Variants in TMEM67 observed in about 807,000 individuals in gnomAD.
The protein encoded by TMEM67 is transmembrane protein 67, also known as meckelin.
A neutral mutation model predicts 136.6 loss-of-function variants in TMEM67; 124 were observed. That is an observed-to-expected ratio of 0.91 (90% confidence interval 0.78 to 1.05). The LOEUF (loss-of-function observed/expected upper bound fraction) is 1.05, where lower values mean the gene tolerates loss of function less well. TMEM67 is among the 50% of genes least tolerant of loss of function. The pLI is 0.00. For missense variants in TMEM67, 1,107 were observed against 1,178.4 expected (o/e 0.94, Z 0.89); for synonymous variants, 364 against 390.5 (o/e 0.93, Z 0.80).
intron 26 of TMEM67, among the ~76,000 whole-genome samples, chr8:93,814,951 G>A (rs1808850288): frequency 6.6e-6 from 1 of 152,084 alleles, no homozygotes; most frequent in African/African-American, 2.4e-5. Context: ...TTTTTTCTCT[G>A]ATTTACTGTA....
chr8:93,759,847 C>T (rs1052357584), intron 3 of TMEM67: 1 of 643,460 alleles, frequency 1.6e-6, no homozygotes, highest in African/African-American at 1.9e-5. Flanking sequence ...CAGGGTTTCT[C>T]CATGTTGGTC....
the TMEM67 span, among the ~76,000 whole-genome samples, chr8:93,830,354 CCT>C: frequency 1.3e-5 from 2 of 152,128 alleles, no homozygotes; most frequent in Non-Finnish European, 2.9e-5. Context: ...AATGTGTTTC[CCT>C]GAGTTCTGTG....
chr8:93,814,470 T>A (rs1476381220), intron 26 of TMEM67, among the ~76,000 whole-genome samples: 4 of 150,278 alleles, frequency 2.7e-5, no homozygotes, highest in African/African-American at 9.8e-5. Flanking sequence ...TTTTTTTTGT[T>A]TTTTTTTAGT....
At chr8:93,793,927 G>T (rs559331884) in intron 16 of TMEM67, among the ~76,000 whole-genome samples, 2 of 151,940 alleles carry the variant, frequency 1.3e-5, no homozygotes, top group East Asian at 3.9e-4. Context: ...GTCTCACTCT[G>T]TCGCTGAGGC....
downstream of TMEM67, among the ~76,000 whole-genome samples, chr8:93,822,158 GC>G (rs1809050539): frequency 6.6e-6 from 1 of 152,148 alleles, no homozygotes; most frequent in Non-Finnish European, 1.5e-5. Flanking sequence ...AGGAAGACAG[GC>G]AACACAATAG....
In TMEM67 at chr8:93,755,109, T is replaced by C. The variant is rs561049390; in HGVS notation, c.195T>C (p.Cys65=). 7 of 1,614,186 alleles carry C rather than the reference T, an allele frequency of 4.3e-6. No homozygotes were observed. The South Asian group carries it at 6.6e-5, about 15-fold the overall frequency. ...TCTCCGCCCTCTCGTGTGTTCCTTG[T>C]GGAGCTAACCAGAGGCAAGATGCCC... is the stretch of plus-strand genomic sequence containing the variant. The part of the protein sequence containing the change: ...FDISALSCVP[C]GANQRQDARG... The change falls in exon 1 of 28, where the codon TGT becomes TGC. Residue 65 remains cysteine, a synonymous_variant. Transcript: ENST00000453321.
chr8:93,798,079 A>G (rs1201734068), intron 20 of TMEM67, among the ~76,000 whole-genome samples: 1 of 152,142 alleles, frequency 6.6e-6, no homozygotes, highest in Non-Finnish European at 1.5e-5. Context: ...CATCTTGCAA[A>G]ACTGAAACTC....
intron 11 of TMEM67, among the ~76,000 whole-genome samples, chr8:93,784,428 A>G (rs1402161423): frequency 6.6e-6 from 1 of 152,248 alleles, no homozygotes; most frequent in Non-Finnish European, 1.5e-5. Flanking sequence ...TGTGGAGCCA[A>G]TGTTCTATCA....
At chr8:93,825,282 C>T in the TMEM67 span, among the ~76,000 whole-genome samples, 1 of 152,172 alleles carries the variant, frequency 6.6e-6, no homozygotes, top group East Asian at 1.9e-4. Flanking sequence ...AGAGCTGGCG[C>T]AAGGACAGTG....
chr8:93,830,601 G>T, the TMEM67 span, among the ~76,000 whole-genome samples: 4 of 152,180 alleles, frequency 2.6e-5, no homozygotes, highest in African/African-American at 9.7e-5. Context: ...CTTGTTTGGT[G>T]GTGGGGAGAA....
chr8:93,804,733 A>C, intron 22 of TMEM67, 29 bp from the exon 23 acceptor site: 1 of 1,322,478 alleles, frequency 7.6e-7, no homozygotes, highest in Admixed American at 1.7e-5. Context: ...ATGAGTTGCT[A>C]TTTGCTTCTT....
the TMEM67 span, among the ~76,000 whole-genome samples, chr8:93,826,041 G>T: frequency 1.4e-5 from 2 of 146,916 alleles, no homozygotes; most frequent in Non-Finnish European, 3.0e-5. Context: ...CATTTCTATA[G>T]TTGTGCTATC....
chr8:93,790,525 T>TAAAC (rs1814329495), intron 14 of TMEM67, among the ~76,000 whole-genome samples: 1 of 152,218 alleles, frequency 6.6e-6, no homozygotes, highest in Non-Finnish European at 1.5e-5. Context: ...AACAACCAAC[T>TAAAC]AAACAAACAA....
the TMEM67 span, among the ~76,000 whole-genome samples, chr8:93,824,672 T>C: frequency 2.0e-5 from 3 of 152,220 alleles, no homozygotes; most frequent in African/African-American, 7.2e-5. Context: ...TTGCATATGA[T>C]CATAAGCAAA....
downstream of TMEM67, among the ~76,000 whole-genome samples, chr8:93,820,030 G>T (rs1248389887): frequency 6.6e-6 from 1 of 152,076 alleles, no homozygotes; most frequent in Non-Finnish European, 1.5e-5. Context: ...GGCAACTAGG[G>T]ATAGTCTCTG....
chr8:93,820,793 G>A (rs1809030457), downstream of TMEM67, among the ~76,000 whole-genome samples: 2 of 152,188 alleles, frequency 1.3e-5, no homozygotes, highest in Non-Finnish European at 2.9e-5. Flanking sequence ...TGCAGAAAGA[G>A]AGACCCAGAT....
At chr8:93,794,963 T>C (rs1814541872) in intron 16 of TMEM67, 1 of 189,442 alleles carries the variant, frequency 5.3e-6, no homozygotes, top group African/African-American at 2.4e-5. Flanking sequence ...CAGATGAGGC[T>C]AAAAAGTTAA....
intron 13 of TMEM67, among the ~76,000 whole-genome samples, chr8:93,787,045 T>C (rs2130694315): frequency 6.6e-6 from 1 of 152,310 alleles, no homozygotes; most frequent in East Asian, 1.9e-4. Context: ...GTACTGTCTT[T>C]TCAGCATTTC....
chr8:93,830,412 C>A, the TMEM67 span, among the ~76,000 whole-genome samples: 2 of 152,310 alleles, frequency 1.3e-5, no homozygotes, highest in South Asian at 2.1e-4. Context: ...GTTGTAGCAA[C>A]CCCAAATTGA....
Sources: gnomAD v4.1 joint callset for allele counts (sites outside exome capture counted in the v4.1 genomes callset) on GRCh38, gnomAD v4.1.1 for gene constraint, MANE v1.5 for transcripts, NCBI Gene and HGNC (gene_info 2026-07-23, HGNC 2026-07-21) for gene names.